The following B3GNT3 variants were observed in gnomAD, a reference collection of about 807,000 sequenced individuals.
B3GNT3 encodes N-acetyllactosaminide beta-1,3-N-acetylglucosaminyltransferase 3.
Under a neutral mutation model 11.6 loss-of-function variants are expected in B3GNT3, and 7 were observed. The ratio of observed to expected loss-of-function variants is 0.60; its 90% confidence interval spans 0.34 to 1.13. The LOEUF is 1.13. B3GNT3 is among the 50% of genes most tolerant of loss of function. The pLI, the probability that B3GNT3 is intolerant of heterozygous loss-of-function variation, is 0.03. For synonymous variants in B3GNT3, 201 were observed against 222.1 expected (o/e 0.90, Z 0.85); for missense variants, 400 against 507.4 (o/e 0.79, Z 2.03).
At position 17,811,859 on chromosome 19, in the gene B3GNT3, G is replaced by A; in HGVS notation, c.856G>A (p.Ala286Thr). 6.2e-7 allele frequency: 1 copy of A among 1,614,148 alleles called. No individual in the cohort carries two copies. The highest frequency in any genetic ancestry group is 8.5e-7 in the Non-Finnish European group (1 of 1,180,044). Reference sequence around the variant, plus strand: ...CTTCACGGCCGCTGCCCTGCGCCGTGCTGCCCATGTCTTGGACATCTTCCC... The same window carrying A: ...CTTCACGGCCGCTGCCCTGCGCCGTACTGCCCATGTCTTGGACATCTTCCC... ...SRFTAAALRRAAHVLDIFPID... is the reference protein window; with the variant it reads ...SRFTAAALRRTAHVLDIFPID... Residue 286 changes from alanine (A) to threonine (T), a missense_variant, in exon 3 of 3, where the codon GCT (alanine) becomes ACT (threonine). Coordinates refer to ENST00000318683, the MANE Select transcript of B3GNT3 (RefSeq NM_014256.4). This position sits in a 1 kb window ranked among gnomAD's most constrained non-coding sequence, Gnocchi z 4.1.
intron 1 of B3GNT3, among the ~76,000 whole-genome samples, chr19:17,807,517 A>G (rs1397301291): frequency 2.6e-5 from 4 of 151,824 alleles, no homozygotes; most frequent in Admixed American, 2.6e-4. Flanking sequence ...CTCAAAAAAA[A>G]AAAACAAAAT....
chr19:17,810,322 A>C (rs2094179003), intron 2 of B3GNT3, among the ~76,000 whole-genome samples: 1 of 151,844 alleles, frequency 6.6e-6, no homozygotes, highest in Non-Finnish European at 1.5e-5. Flanking sequence ...AGGCAGCAGG[A>C]TCGCTTGAAC....
rs552650566 is a variant in B3GNT3 at position 17,812,386 on chromosome 19, C to T, written c.*264C>T. The stretch of plus-strand genomic sequence containing the variant: ...TTTGTGGCTGCTAATGGCAGAAGTG[C>T]CTGTGCTAGAGTTCCAACTGTGGAT... On this transcript the variant is annotated 3_prime_UTR_variant, in exon 3 of 3. Transcript: ENST00000318683. 493 of 461,626 alleles carry T rather than the reference C, an allele frequency of 1.1e-3. 4 individuals are homozygous for T. The highest frequency in any genetic ancestry group is 1.4e-3 in the Non-Finnish European group (371 of 257,418). The allele number at this position is 461,626 out of a possible 1,614,324, so 28.6% of individuals were successfully genotyped here. A position where few individuals can be genotyped will look rare whatever the true frequency, so the allele number is the denominator to read the frequency against.
In B3GNT3 at chr19:17,812,096, T is replaced by C; in HGVS notation, c.1093T>C (p.Cys365Arg). The C allele has an allele frequency of 6.3e-7, 1 of 1,597,278 alleles. No individual in the cohort carries two copies. The highest frequency in any genetic ancestry group is 8.5e-7 in the Non-Finnish European group (1 of 1,179,128). The change falls in exon 3 of 3, where the codon TGC (cysteine) becomes CGC (arginine). Residue 365 changes from cysteine (C) to arginine (R), a missense_variant. By Grantham distance (180) the Cys-to-Arg change is radical. Transcript: ENST00000318683. Reference sequence around the variant, plus strand: ...TGCGCTGAACCAGCCCAACCTCACCTGCGGCAATCAGACACAGATCTACTG... The same window carrying C: ...TGCGCTGAACCAGCCCAACCTCACCCGCGGCAATCAGACACAGATCTACTG... ...WDALNQPNLT[C>R]GNQTQIY
chr19:17,800,929 C>T (rs1005564210), intron 1 of B3GNT3, among the ~76,000 whole-genome samples: 2 of 151,730 alleles, frequency 1.3e-5, no homozygotes, highest in African/African-American at 4.8e-5. Context: ...GAGCTGAGAT[C>T]GTGGCGCTGC....
intron 1 of B3GNT3, among the ~76,000 whole-genome samples, chr19:17,796,048 C>T (rs1052010753): frequency 6.6e-6 from 1 of 152,046 alleles, no homozygotes; most frequent in African/African-American, 2.4e-5. Flanking sequence ...CCAAGAATCC[C>T]GACCATCTTT....
At chr19:17,807,629 GA>G in intron 1 of B3GNT3, 128 bp from the exon 2 acceptor site, 1 of 616,214 alleles carries the variant, frequency 1.6e-6, no homozygotes, top group South Asian at 2.1e-5. Context: ...AGGGGTGGAG[GA>G]GTTAAGTGGG....
In B3GNT3 at chr19:17,813,248, T is replaced by C. The variant is rs1056720273; in HGVS notation, c.*1126T>C. Reference sequence around the variant, plus strand: ...ACATTGGGAGACCAAAGTGGGAGGATCACTTGAGCCCAGGAGTTCTGGATC... The same window carrying C: ...ACATTGGGAGACCAAAGTGGGAGGACCACTTGAGCCCAGGAGTTCTGGATC... On this transcript the variant is annotated 3_prime_UTR_variant, in exon 3 of 3. Transcript: ENST00000318683. Among the ~76,000 whole-genome samples the C allele has an allele frequency of 3.9e-5, 6 of 151,946 alleles. No individual in the cohort carries two copies. Among genetic ancestry groups the C allele is most frequent in the Non-Finnish European group, 7.4e-5 (5 of 67,974 alleles).
At chr19:17,804,533 C>CCTT (rs987013912) in intron 1 of B3GNT3, among the ~76,000 whole-genome samples, 1 of 57,016 alleles carries the variant, frequency 1.8e-5, no homozygotes, top group Non-Finnish European at 2.8e-5. Context: ...CCGTGCCCAG[C>CCTT]TTTTTTTTTT....
chr19:17,811,854 G>A lies in B3GNT3; in HGVS notation c.851G>A (p.Arg284His), dbSNP rs375344056. The stretch of plus-strand genomic sequence containing the variant: ...TCCCGCTTCACGGCCGCTGCCCTGC[G>A]CCGTGCTGCCCATGTCTTGGACATC... ...LLSRFTAAAL[R>H]RAAHVLDIFP... The change falls in exon 3 of 3, where the codon CGC becomes CAC. Residue 284 changes from arginine to histidine, a missense_variant. Physicochemically the swap from Arg to His is conservative, Grantham distance 29 (BLOSUM62 0). Transcript: ENST00000318683. This position sits in a 1 kb window ranked among gnomAD's most constrained non-coding sequence, Gnocchi z 4.1. 6.3e-5 allele frequency: 101 copies of A among 1,614,052 alleles called. No homozygotes were observed. The highest frequency in any genetic ancestry group is 7.5e-5 in the Non-Finnish European group (88 of 1,180,042).
chr19:17,812,277 T>A lies in B3GNT3; in HGVS notation c.*155T>A. 1.2e-6 allele frequency: 1 copy of A among 808,406 alleles called. No homozygotes were observed. The highest frequency in any genetic ancestry group is 1.9e-6 in the Non-Finnish European group (1 of 529,656). 50.1% of individuals were successfully genotyped at this position (808,406 alleles called of 1,614,324 possible). A position where few individuals can be genotyped will look rare whatever the true frequency, so the allele number is the denominator to read the frequency against. On this transcript the variant is annotated 3_prime_UTR_variant, in exon 3 of 3. Transcript: ENST00000318683. ...GTGAATATTCTGGCTGGCGAACTCC[T>A]ACACATCCTTCAAAACCCACCTGGT...
intron 1 of B3GNT3, among the ~76,000 whole-genome samples, chr19:17,806,769 C>T (rs1202833965): frequency 6.6e-6 from 1 of 151,772 alleles, no homozygotes; most frequent in African/African-American, 2.4e-5. Flanking sequence ...CTGGCCAACA[C>T]GGTGAAACCT....
At chr19:17,803,009 A>ATT (rs71164307) in intron 1 of B3GNT3, among the ~76,000 whole-genome samples, 6,321 of 146,434 alleles carry the variant, frequency 0.043, 162 homozygotes, top group Non-Finnish European at 0.062. Context: ...GTGTTAAAGG[A>ATT]TTTTTTTTTT....
In B3GNT3 at chr19:17,812,182, C is replaced by A; in HGVS notation, c.*60C>A. 6.7e-7 allele frequency: 1 copy of A among 1,497,184 alleles called. No individual in the cohort carries two copies. The highest frequency in any genetic ancestry group is 8.9e-7 in the Non-Finnish European group (1 of 1,129,902). 92.7% of individuals were successfully genotyped at this position (1,497,184 alleles called of 1,614,324 possible). On this transcript the variant is annotated 3_prime_UTR_variant, in exon 3 of 3. Transcript: ENST00000318683. ...TTTCCATAGGAAGGGGCGACACCTT[C>A]CTCCCAGGAAGCTGAGACCTTTGTG...
intron 1 of B3GNT3, among the ~76,000 whole-genome samples, chr19:17,796,320 T>G (rs781119488): frequency 6.6e-6 from 1 of 152,190 alleles, no homozygotes; most frequent in South Asian, 2.1e-4. Flanking sequence ...CTCAAACTCC[T>G]GGGCCCAAGC....
In B3GNT3 at chr19:17,811,138, C is replaced by A. The variant is rs113183609; in HGVS notation, c.568-433C>A. Among the ~76,000 whole-genome samples the A allele has an allele frequency of 1.3e-5, 2 of 151,910 alleles. No individual in the cohort carries two copies. Among genetic ancestry groups the A allele is most frequent in the Admixed American group, 6.6e-5 (1 of 15,212 alleles). On this transcript the variant is annotated intron_variant, in intron 2 of 2. Coordinates refer to ENST00000318683, the MANE Select transcript of B3GNT3 (RefSeq NM_014256.4). This position sits in a 1 kb window ranked among gnomAD's most constrained non-coding sequence, Gnocchi z 4.1. ...CTGAGGTGGAAGGATCACCTGAGCC[C>A]GGGAATTTGAGGCTGCAATGAACTA...
intron 1 of B3GNT3, among the ~76,000 whole-genome samples, chr19:17,801,968 G>A (rs1279844130): frequency 6.6e-6 from 1 of 151,984 alleles, no homozygotes; most frequent in East Asian, 1.9e-4. Flanking sequence ...CATGCCTGTA[G>A]TCCCAGCTAT....
chr19:17,807,960 T>TACCCGC lies in B3GNT3; in HGVS notation c.153_154insACCCGC (p.Thr51_Pro52insThrArg). The TACCCGC allele has an allele frequency of 6.2e-7, 1 of 1,609,550 alleles. No homozygotes were observed. Among genetic ancestry groups the TACCCGC allele is most frequent in the Non-Finnish European group, 8.5e-7 (1 of 1,178,132 alleles). ...TCCCCGAGGCCCTGGCCTGGCCCACTCCACCCACCCGCCCAGCCCCGGCCC... is the reference window on the plus strand; with the variant it reads ...TCCCCGAGGCCCTGGCCTGGCCCACTACCCGCCCACCCACCCGCCCAGCCCCGGCCC... On this transcript the variant is annotated inframe_insertion, in exon 2 of 3. Coordinates refer to ENST00000318683, the MANE Select transcript of B3GNT3 (RefSeq NM_014256.4).
chr19:17,812,282 A>C lies in B3GNT3; in HGVS notation c.*160A>C. 1 of 748,838 alleles carries C rather than the reference A, an allele frequency of 1.3e-6. No homozygotes were observed. Among genetic ancestry groups the C allele is most frequent in the Non-Finnish European group, 2.1e-6 (1 of 475,920 alleles). The allele number at this position is 748,838 out of a possible 1,614,324, so 46.4% of individuals were successfully genotyped here. On this transcript the variant is annotated 3_prime_UTR_variant, in exon 3 of 3. Coordinates refer to ENST00000318683, the MANE Select transcript of B3GNT3 (RefSeq NM_014256.4). ...TATTCTGGCTGGCGAACTCCTACAC[A>C]TCCTTCAAAACCCACCTGGTACTGT...
Sources: gnomAD v4.1 joint callset for allele counts (sites outside exome capture counted in the v4.1 genomes callset) on GRCh38, gnomAD v4.1.1 for gene constraint, Gnocchi (gnomAD v3.1) non-coding constraint, MANE v1.5 for transcripts, NCBI Gene and HGNC (gene_info 2026-07-23, HGNC 2026-07-21) for gene names.